The following DCX variants were observed in gnomAD, a reference collection of about 807,000 sequenced individuals.
DCX encodes the protein doublecortin.
Under a neutral mutation model 20.9 loss-of-function variants are expected in DCX, and 4 were observed. That is an observed-to-expected ratio of 0.19 (90% confidence interval 0.09 to 0.44). The LOEUF (loss-of-function observed/expected upper bound fraction) is 0.44, where lower values mean the gene tolerates loss of function less well. Among genes scored for constraint, DCX ranks in the 20% least tolerant of loss-of-function variants. DCX has a pLI of 0.99. For synonymous variants in DCX, 103 were observed against 111.4 expected (o/e 0.92, Z 0.47); for missense variants, 133 against 296.9 (o/e 0.45, Z 4.06).
chrX:111,301,072 C>T lies in DCX; in HGVS notation c.*615G>A, dbSNP rs1046948. On this transcript the variant is annotated 3_prime_UTR_variant, in exon 7 of 7. Coordinates refer to ENST00000636035, the MANE Select transcript of DCX (RefSeq NM_001195553.2). ...TCTATTCTCTTAGCTAACCCAGCAC[C>T]AGGATCCTAAGCATCTGGTGTCACA... The T allele has an allele frequency of 2.6e-5, 3 of 114,070 alleles. No homozygotes were observed. In the Admixed American group the frequency reaches 2.7e-4, roughly 10 times the overall value. 9.4% of individuals were successfully genotyped at this position (114,070 alleles called of 1,213,427 possible).
In DCX at chrX:111,300,923, G is replaced by T. The variant is rs1305812775; in HGVS notation, c.*764C>A. 1 of 112,571 alleles carries T rather than the reference G, an allele frequency of 8.9e-6. No homozygotes were observed. The highest frequency in any genetic ancestry group is 1.9e-5 in the Non-Finnish European group (1 of 53,615). 9.3% of individuals were successfully genotyped at this position (112,571 alleles called of 1,213,427 possible). Reference sequence around the variant, plus strand: ...CTTCTAGAGGAATCAGGTATATGAAGTCCCTTACTCCAAACTATTATCAAT... The same window carrying T: ...CTTCTAGAGGAATCAGGTATATGAATTCCCTTACTCCAAACTATTATCAAT... On this transcript the variant is annotated 3_prime_UTR_variant, in exon 7 of 7. Coordinates refer to ENST00000636035, the MANE Select transcript of DCX (RefSeq NM_001195553.2).
rs777245594 is a variant in DCX, at chrX:111,403,024, C to T, written c.365-1694G>A. On this transcript the variant is annotated intron_variant, in intron 2 of 6. Coordinates refer to ENST00000636035, the MANE Select transcript of DCX (RefSeq NM_001195553.2). ...GAGAAGCTCTGATTTCTTTGACTCCCTTGCTGGTTAATTCAACCCAACCCA... is the reference window on the plus strand; with the variant it reads ...GAGAAGCTCTGATTTCTTTGACTCCTTTGCTGGTTAATTCAACCCAACCCA... Among the ~76,000 whole-genome samples, 201 of 111,141 alleles carry T rather than the reference C, an allele frequency of 1.8e-3. 1 individual carries two copies. The highest frequency in any genetic ancestry group is 3.1e-3 in the Non-Finnish European group (162 of 52,993).
intron 3 of DCX, among the ~76,000 whole-genome samples, chrX:111,353,135 T>C (rs1043103987): frequency 4.5e-5 from 5 of 111,605 alleles, no homozygotes; most frequent in Non-Finnish European, 9.4e-5. Context: ...AGTATGACCA[T>C]GAAGGCAGTA....
Position 111,333,192 on chromosome X carries a change from C to T in DCX, c.706-39G>A, listed in dbSNP as rs538479230. ...AGAAACACTGATTGTATATGATGGT[C>T]CTGTGACAATGAACCTCACACTACA... On this transcript the variant is annotated intron_variant, in intron 3 of 6. Transcript: ENST00000636035. 35 of 1,029,195 alleles carry T rather than the reference C, an allele frequency of 3.4e-5. No homozygotes were observed. In the South Asian group the frequency reaches 4.9e-4, roughly 14 times the overall value. 84.8% of individuals were successfully genotyped at this position (1,029,195 alleles called of 1,213,427 possible).
chrX:111,327,248 C>A lies in DCX; in HGVS notation c.946+3656G>T, dbSNP rs1325634543. Reference sequence around the variant, plus strand: ...CTGTTCACAAGTTCCACATCCAAGACTGACTAACACAGGATGGAAACAGGG... The same window carrying A: ...CTGTTCACAAGTTCCACATCCAAGAATGACTAACACAGGATGGAAACAGGG... On this transcript the variant is annotated intron_variant, in intron 5 of 6. Coordinates refer to ENST00000636035, the MANE Select transcript of DCX (RefSeq NM_001195553.2). Among the ~76,000 whole-genome samples the A allele has an allele frequency of 7.1e-5, 8 of 111,931 alleles. No homozygotes were observed. In the Admixed American group the frequency reaches 7.6e-4, roughly 11 times the overall value.
chrX:111,352,544 T>A (rs754868542), intron 3 of DCX, among the ~76,000 whole-genome samples: 2 of 112,086 alleles, frequency 1.8e-5, no homozygotes, highest in Non-Finnish European at 3.8e-5. Flanking sequence ...TGTTGTATGG[T>A]TAATGACTCA....
intron 6 of DCX, among the ~76,000 whole-genome samples, chrX:111,303,212 C>T (rs754054621): frequency 9.2e-4 from 101 of 109,191 alleles, no homozygotes; most frequent in East Asian, 1.1e-3. Flanking sequence ...CTCAGCCTCC[C>T]GAGTAGCTGG....
At chrX:111,354,461 G>C (rs778871099) in intron 3 of DCX, among the ~76,000 whole-genome samples, 35 of 112,017 alleles carry the variant, frequency 3.1e-4, no homozygotes, top group Non-Finnish European at 5.4e-4. Context: ...GTGTTAAAGA[G>C]AGTTTCTGTC....
chrX:111,334,133 G>A (rs900829962), intron 3 of DCX, among the ~76,000 whole-genome samples: 3 of 111,968 alleles, frequency 2.7e-5, no homozygotes, highest in Non-Finnish European at 5.6e-5. Flanking sequence ...CAGCTTGCTG[G>A]GTGCAGAGAG....
In DCX at chrX:111,358,235, G is replaced by A. The variant is rs139682657; in HGVS notation, c.706-25082C>T. 6.3e-3 allele frequency among the ~76,000 whole-genome samples: 711 copies of A among 112,411 alleles called. 18 individuals carry two copies. Among genetic ancestry groups the A allele is most frequent in the Admixed American group, 0.058 (610 of 10,604 alleles). On this transcript the variant is annotated intron_variant, in intron 3 of 6. Transcript: ENST00000636035. The stretch of plus-strand genomic sequence containing the variant: ...GCAGTCTTAGACTACATTGATAGAA[G>A]CATTGTGTGCAAATTAATGAAATTA...
At chrX:111,357,881 G>A (rs1020198677) in intron 3 of DCX, among the ~76,000 whole-genome samples, 2 of 111,597 alleles carry the variant, frequency 1.8e-5, no homozygotes, top group Non-Finnish European at 3.8e-5. Context: ...AGGCTGGAGT[G>A]CAGTGATGTG....
At chrX:111,370,751 G>A (rs1049018058) in intron 3 of DCX, among the ~76,000 whole-genome samples, 1 of 109,147 alleles carries the variant, frequency 9.2e-6, no homozygotes, top group Non-Finnish European at 1.9e-5. Context: ...TTTCAACCTT[G>A]GCTGGATGTT....
rs769254892 is a variant in DCX at position 111,301,693 on chromosome X, G to C, written c.1095C>G (p.Ser365=). 7 of 1,209,573 alleles carry C rather than the reference G, an allele frequency of 5.8e-6. No individual in the cohort carries two copies. The South Asian group carries it at 1.2e-4, about 21-fold the overall frequency. The stretch of plus-strand genomic sequence containing the variant: ...CTGAGCACTCTCCCCTCCTTTACAT[G>C]GAATCACCAAGCGAGTCCGAGTCAT... ...SLDDSDSLGD[S]M is the part of the protein sequence containing the mutation. Residue 365 remains serine, a synonymous_variant, in exon 7 of 7, where the codon TCC becomes TCG. Coordinates refer to ENST00000636035, the MANE Select transcript of DCX (RefSeq NM_001195553.2).
chrX:111,312,050 T>G (rs748502010), intron 6 of DCX, among the ~76,000 whole-genome samples: 5 of 112,770 alleles, frequency 4.4e-5, no homozygotes, highest in African/African-American at 1.6e-4. Flanking sequence ...CTTTTGTTAT[T>G]TAATGATATA....
intron 3 of DCX, among the ~76,000 whole-genome samples, chrX:111,380,992 G>T: frequency 9.1e-6 from 1 of 110,246 alleles, no homozygotes. Context: ...GACTGGCATG[G>T]GTTGAACAGC....
chrX:111,386,498 C>T (rs1926527196), intron 3 of DCX, among the ~76,000 whole-genome samples: 1 of 111,304 alleles, frequency 9.0e-6, no homozygotes, highest in African/African-American at 3.3e-5. Flanking sequence ...TAATCCCAAC[C>T]ACCACCAGCT....
chrX:111,297,983 T>C lies in DCX; in HGVS notation c.*3704A>G, dbSNP rs2095025347. The C allele has an allele frequency of 8.9e-6, 1 of 111,791 alleles. No homozygotes were observed. Among genetic ancestry groups the C allele is most frequent in the African/African-American group, 3.3e-5 (1 of 30,725 alleles). The allele number at this position is 111,791 out of a possible 1,213,427, so 9.2% of individuals were successfully genotyped here. Reference sequence around the variant, plus strand: ...CACAGTGAGACCAGGTTATTTTCTCTAGCTCATCTTACTCCCATATTCTAA... The same window carrying C: ...CACAGTGAGACCAGGTTATTTTCTCCAGCTCATCTTACTCCCATATTCTAA... On this transcript the variant is annotated 3_prime_UTR_variant, in exon 7 of 7. Coordinates refer to ENST00000636035, the MANE Select transcript of DCX (RefSeq NM_001195553.2).
chrX:111,348,685 G>A (rs866223124), intron 3 of DCX, among the ~76,000 whole-genome samples: 13 of 110,214 alleles, frequency 1.2e-4, no homozygotes, highest in Middle Eastern at 4.6e-3. Context: ...AAGCCCTAAG[G>A]TTGGCTCTGG....
At chrX:111,394,674 G>C (rs1927195081) in intron 3 of DCX, among the ~76,000 whole-genome samples, 1 of 111,933 alleles carries the variant, frequency 8.9e-6, no homozygotes, top group African/African-American at 3.2e-5. Context: ...ATCCCCACTT[G>C]ATGAATCTCT....
Sources: gnomAD v4.1 joint callset for allele counts (sites outside exome capture counted in the v4.1 genomes callset) on GRCh38, gnomAD v4.1.1 for gene constraint, MANE v1.5 for transcripts, NCBI Gene and HGNC (gene_info 2026-07-23, HGNC 2026-07-21) for gene names.